The following HSD17B12 variants were observed in gnomAD, a reference collection of about 807,000 sequenced individuals.
The protein encoded by HSD17B12 is very-long-chain 3-oxoacyl-CoA reductase.
HSD17B12 carries 32 observed loss-of-function variants against 39.3 expected under a neutral mutation model. The ratio of observed to expected loss-of-function variants is 0.81; its 90% CI spans 0.61 to 1.09. The LOEUF (loss-of-function observed/expected upper bound fraction) is 1.09. HSD17B12 is among the 50% of genes least tolerant of loss of function. The probability of loss-of-function intolerance (pLI) is 0.00; values close to 1 mark genes in which losing one functional copy is unlikely to be tolerated. For missense variants in HSD17B12, 342 were observed against 382.9 expected, an observed-to-expected ratio of 0.89 and a Z score of 0.89; for synonymous variants, 150 against 146.7, an observed-to-expected ratio of 1.02 and a Z score of -0.16.
chr11:43,591,612 C>A, the HSD17B12 span, among the ~76,000 whole-genome samples: 2 of 151,988 alleles, frequency 1.3e-5, no homozygotes, highest in African/African-American at 4.8e-5. Context: ...GAAGGAAAAC[C>A]TGTTAAAATA....
intron 1 of HSD17B12, among the ~76,000 whole-genome samples, chr11:43,715,594 G>A (rs1473980048): frequency 2.0e-5 from 3 of 151,944 alleles, no homozygotes; most frequent in Non-Finnish European, 4.4e-5. Flanking sequence ...CTCTTTTTTT[G>A]TTGTGTCTCT....
intron 1 of HSD17B12, among the ~76,000 whole-genome samples, chr11:43,734,987 T>TA (rs779733302): frequency 2.0e-5 from 3 of 152,220 alleles, no homozygotes; most frequent in Non-Finnish European, 2.9e-5. Flanking sequence ...TCTATGGACT[T>TA]ACCTATTTAT....
chr11:43,637,217 CT>C, the HSD17B12 span, among the ~76,000 whole-genome samples: 20,242 of 108,842 alleles, frequency 0.19, 1,242 homozygotes, highest in Middle Eastern at 0.24. Flanking sequence ...GGTGTTTTTC[CT>C]TTTTTTTTTT....
At chr11:43,732,394 T>C (rs1332803555) in intron 1 of HSD17B12, among the ~76,000 whole-genome samples, 1 of 152,160 alleles carries the variant, frequency 6.6e-6, no homozygotes, top group Non-Finnish European at 1.5e-5. Flanking sequence ...GAAGAAATGC[T>C]GCTGGTTAGT....
At chr11:43,782,133 GT>G (rs2135012845) in intron 3 of HSD17B12, among the ~76,000 whole-genome samples, 1 of 152,232 alleles carries the variant, frequency 6.6e-6, no homozygotes, top group Non-Finnish European at 1.5e-5. Flanking sequence ...CTGAGAACTC[GT>G]TTTGCCCCTA....
the HSD17B12 span, among the ~76,000 whole-genome samples, chr11:43,631,047 C>T: frequency 3.9e-5 from 6 of 152,126 alleles, no homozygotes; most frequent in Admixed American, 1.3e-4. Context: ...TCAGGTGAAC[C>T]GCCTGCCTTG....
intron 6 of HSD17B12, among the ~76,000 whole-genome samples, chr11:43,818,880 A>T (rs961121257): frequency 5.3e-5 from 8 of 152,150 alleles, no homozygotes; most frequent in Non-Finnish European, 1.2e-4. Context: ...CTATGACTTT[A>T]TTTTTTAGCA....
intron 1 of HSD17B12, among the ~76,000 whole-genome samples, chr11:43,726,708 T>G (rs886125421): frequency 6.6e-6 from 1 of 152,220 alleles, no homozygotes; most frequent in African/African-American, 2.4e-5. Context: ...CTCAAGCATA[T>G]TTAGGTTGTG....
intron 4 of HSD17B12, among the ~76,000 whole-genome samples, chr11:43,805,127 T>G (rs1396111919): frequency 3.3e-5 from 5 of 152,222 alleles, no homozygotes; most frequent in South Asian, 2.1e-4. Context: ...CCCTGTTGAT[T>G]AAGGAAGTCA....
At chr11:43,820,559 T>A (rs1951172003) in intron 6 of HSD17B12, among the ~76,000 whole-genome samples, 1 of 152,146 alleles carries the variant, frequency 6.6e-6, no homozygotes, top group African/African-American at 2.4e-5. Flanking sequence ...AGCTACAGAA[T>A]CTCCAAAGGT....
At chr11:43,778,123 A>C (rs1032930907) in intron 3 of HSD17B12, among the ~76,000 whole-genome samples, 1 of 152,192 alleles carries the variant, frequency 6.6e-6, no homozygotes, top group Admixed American at 6.5e-5. Flanking sequence ...GAAGAATCAA[A>C]TAGACACAAT....
the HSD17B12 span, chr11:43,570,515 G>T: frequency 6.6e-6 from 1 of 152,206 alleles, no homozygotes; most frequent in Non-Finnish European, 1.5e-5. Context: ...CACTGTCTAG[G>T]GTGGTTTGTA....
At chr11:43,690,241 A>C (rs992405088) in intron 1 of HSD17B12, among the ~76,000 whole-genome samples, 5 of 151,158 alleles carry the variant, frequency 3.3e-5, no homozygotes, top group African/African-American at 1.2e-4. Flanking sequence ...GAATGTGAGC[A>C]CTGTAAGGCA....
At position 43,681,006 on chromosome 11, in the gene HSD17B12, C is replaced by G. The variant is rs560559765; in HGVS notation, c.160+19C>G. On this transcript the variant is annotated intron_variant, in intron 1 of 10. Transcript: ENST00000278353. ...TGGGCAGGTGAGTCGGATGCAGCGC[C>G]GCGTCCTCGCTCCCGCGGCGGCCCG... is the stretch of plus-strand genomic sequence containing the variant. 3 of 1,569,482 alleles carry G rather than the reference C, an allele frequency of 1.9e-6. No homozygotes were observed. The highest frequency in any genetic ancestry group is 1.8e-5 in the Admixed American group (1 of 54,644).
At chr11:43,610,081 TCCCAC>T in the HSD17B12 span, among the ~76,000 whole-genome samples, 1 of 152,342 alleles carries the variant, frequency 6.6e-6, no homozygotes. Flanking sequence ...AATATGGTTT[TCCCAC>T]CCCTTTTCCC....
chr11:43,722,048 T>C (rs1038920877), intron 1 of HSD17B12, among the ~76,000 whole-genome samples: 12 of 152,144 alleles, frequency 7.9e-5, no homozygotes, highest in South Asian at 2.1e-4. Flanking sequence ...ACAGGTCTTA[T>C]GGATTATTGA....
upstream of HSD17B12, among the ~76,000 whole-genome samples, chr11:43,678,717 C>T (rs1430780896): frequency 3.9e-5 from 6 of 152,134 alleles, no homozygotes; most frequent in Admixed American, 6.6e-5. Flanking sequence ...CTTGTTTTTG[C>T]CAGGTTCATC....
chr11:43,639,759 G>A, the HSD17B12 span, among the ~76,000 whole-genome samples: 41 of 152,278 alleles, frequency 2.7e-4, no homozygotes, highest in South Asian at 1.9e-3. Flanking sequence ...GTGTCTGTGC[G>A]TAGGAATTTT....
chr11:43,734,162 G>T lies in HSD17B12; in HGVS notation c.161-16749G>T, dbSNP rs1281344072. 8.9e-6 allele frequency: 14 copies of T among 1,569,390 alleles called. No individual in the cohort carries two copies. The East Asian group carries it at 3.0e-4, about 33-fold the overall frequency. ...AGTGGTGGCACGCTTTGATGCTGGA[G>T]AACTAATCACCCAGAGAGAGCTGGT... On this transcript the variant is annotated intron_variant, in intron 1 of 10. Coordinates refer to ENST00000278353, the MANE Select transcript of HSD17B12 (RefSeq NM_016142.3).
Sources: allele counts gnomAD v4.1 joint callset (sites outside exome capture counted in the v4.1 genomes callset), GRCh38; gene constraint gnomAD v4.1.1; transcripts MANE v1.5; gene names NCBI Gene and HGNC (gene_info 2026-07-23, HGNC 2026-07-21).